DNAH14: variants seen among roughly 807,000 people sequenced by gnomAD.
The protein encoded by DNAH14 is dynein axonemal heavy chain 14.
DNAH14 carries 478 observed loss-of-function variants against 520.9 expected under a neutral mutation model. The ratio of observed to expected loss-of-function variants is 0.92; its 90% CI spans 0.85 to 0.99. The LOEUF (loss-of-function observed/expected upper bound fraction) is 0.99. DNAH14 is among the 50% of genes least tolerant of loss of function. The pLI, the probability that DNAH14 is intolerant of heterozygous loss-of-function variation, is 0.00. For synonymous variants in DNAH14, 1,581 were observed against 1,757.2 expected (o/e 0.90, Z 2.51); for missense variants, 4,831 against 5,234.5 (o/e 0.92, Z 2.38).
At position 225,043,720 on chromosome 1, in the gene DNAH14, C is replaced by G. The variant is rs763336243; in HGVS notation, c.1769-24C>G. The G allele has an allele frequency of 7.7e-6, 11 of 1,424,954 alleles. No individual in the cohort carries two copies. The South Asian group carries it at 1.4e-4, about 18-fold the overall frequency. 88.3% of individuals were successfully genotyped at this position (1,424,954 alleles called of 1,614,324 possible). On this transcript the variant is annotated intron_variant, in intron 13 of 85. Transcript: ENST00000682510. ...AATATCAATCAATTTTGTATTTTCT[C>G]TTTCTTTCAATGGATTCTAATAGAC...
chr1:225,012,448 G>C (rs987041731), intron 10 of DNAH14, among the ~76,000 whole-genome samples: 1 of 151,940 alleles, frequency 6.6e-6, no homozygotes, highest in Non-Finnish European at 1.5e-5. Flanking sequence ...TCTTCTCGAG[G>C]AGTATCTCTG....
intron 8 of DNAH14, among the ~76,000 whole-genome samples, chr1:224,994,792 G>A (rs553900304): frequency 9.9e-5 from 15 of 151,934 alleles, no homozygotes; most frequent in African/African-American, 3.6e-4. Context: ...TTCTGTAGTG[G>A]CATGCTTTGA....
chr1:225,341,969 A>G (rs893163559), intron 69 of DNAH14, among the ~76,000 whole-genome samples: 2 of 152,172 alleles, frequency 1.3e-5, no homozygotes, highest in African/African-American at 4.8e-5. Context: ...TTCTTTTTAA[A>G]AAATACAAAT....
chr1:225,176,792 CT>C (rs2149265799), intron 36 of DNAH14, among the ~76,000 whole-genome samples: 1 of 152,320 alleles, frequency 6.6e-6, no homozygotes, highest in East Asian at 1.9e-4. Flanking sequence ...TATTGCAAGG[CT>C]TCCCCAGCCA....
intron 66 of DNAH14, among the ~76,000 whole-genome samples, chr1:225,336,014 T>C (rs1282511970): frequency 7.5e-6 from 1 of 132,736 alleles, no homozygotes; most frequent in Non-Finnish European, 1.6e-5. Context: ...TGTATACGCA[T>C]ATATGCATAT....
chr1:225,322,692 C>G lies in DNAH14; in HGVS notation c.9364C>G (p.Leu3122Val). The change falls in exon 62 of 86, where the codon CTG (leucine) becomes GTG (valine). Residue 3122 changes from leucine to valine, a missense_variant. Physicochemically the swap from Leu to Val is conservative, Grantham distance 32. Coordinates refer to ENST00000682510, the MANE Select transcript of DNAH14 (RefSeq NM_001367479.1). ...RVYTRPPFLV[L>V]TVMNAVCILL... is the part of the protein sequence containing the mutation. ...ATACACACGGCCTCCCTTCCTTGTA[C>G]TGACTGTCATGAATGCAGTGTGTAT... The G allele has an allele frequency of 6.5e-7, 1 of 1,548,302 alleles. No homozygotes were observed. Among genetic ancestry groups the G allele is most frequent in the Non-Finnish European group, 8.7e-7 (1 of 1,144,270 alleles).
intron 69 of DNAH14, 102 bp downstream of exon 69, chr1:225,340,803 C>T: frequency 7.6e-7 from 1 of 1,309,330 alleles, no homozygotes; most frequent in Non-Finnish European, 1.0e-6. Context: ...ACCAAATCTC[C>T]ATTTCCACCA....
intron 81 of DNAH14, among the ~76,000 whole-genome samples, chr1:225,386,433 TTGAAC>T (rs2095842918): frequency 6.6e-6 from 1 of 152,080 alleles, no homozygotes; most frequent in South Asian, 2.1e-4. Context: ...TACCATCAGA[TTGAAC>T]AGGCAACCTA....
intron 71 of DNAH14, among the ~76,000 whole-genome samples, chr1:225,348,608 A>G (rs751816920): frequency 7.9e-5 from 12 of 152,218 alleles, no homozygotes; most frequent in Admixed American, 1.3e-4. Context: ...TCAACCAATA[A>G]TACTGTATGT....
intron 21 of DNAH14, among the ~76,000 whole-genome samples, chr1:225,092,794 A>T (rs1462264913): frequency 6.6e-6 from 1 of 152,124 alleles, no homozygotes; most frequent in Non-Finnish European, 1.5e-5. Context: ...TAAGAAAAAA[A>T]AATAGAGAAG....
intron 8 of DNAH14, among the ~76,000 whole-genome samples, chr1:224,994,686 T>C (rs1363360013): frequency 6.6e-6 from 1 of 152,074 alleles, no homozygotes; most frequent in Non-Finnish European, 1.5e-5. Context: ...TATGGACAGG[T>C]AAGGACTTAA....
chr1:225,058,621 T>G (rs1193590776), intron 17 of DNAH14, among the ~76,000 whole-genome samples: 2 of 152,220 alleles, frequency 1.3e-5, no homozygotes, highest in African/African-American at 4.8e-5. Context: ...AATTGTGATG[T>G]TAGGGTGTCA....
chr1:225,399,030 A>G (rs375953621), intron 85 of DNAH14, 24 bp from the exon 86 acceptor site: 1 of 1,366,850 alleles, frequency 7.3e-7, no homozygotes. Flanking sequence ...CAATTTGACT[A>G]CTGGATTTTT....
chr1:225,192,607 C>T (rs2085593867), intron 37 of DNAH14, 89 bp from the exon 38 acceptor site: 2 of 929,872 alleles, frequency 2.2e-6, no homozygotes, highest in South Asian at 1.9e-5. Context: ...AAAGGTTTCT[C>T]CTATAACCTT....
intron 23 of DNAH14, among the ~76,000 whole-genome samples, chr1:225,104,071 C>G (rs1375660145): frequency 1.1e-4 from 17 of 152,138 alleles, no homozygotes; most frequent in Admixed American, 1.1e-3. Context: ...CCCCTCAATA[C>G]CTAATTTATT....
At chr1:225,286,897 G>C (rs1193479477) in intron 54 of DNAH14, among the ~76,000 whole-genome samples, 1 of 152,102 alleles carries the variant, frequency 6.6e-6, no homozygotes. Context: ...ATTATTAAGA[G>C]ATAAAAAGAA....
At chr1:225,188,624 A>G (rs1299127635) in intron 37 of DNAH14, among the ~76,000 whole-genome samples, 2 of 151,868 alleles carry the variant, frequency 1.3e-5, no homozygotes, top group Non-Finnish European at 2.9e-5. Flanking sequence ...GGGAAGTGCA[A>G]GTTCTCCAAC....
intron 8 of DNAH14, among the ~76,000 whole-genome samples, chr1:224,977,885 G>C (rs1033717914): frequency 1.3e-5 from 2 of 151,946 alleles, no homozygotes; most frequent in East Asian, 3.9e-4. Flanking sequence ...TCAAAAGAAG[G>C]AATACAAATG....
chr1:225,063,310 A>G (rs1481553242), intron 17 of DNAH14, among the ~76,000 whole-genome samples: 2 of 152,110 alleles, frequency 1.3e-5, no homozygotes, highest in African/African-American at 4.8e-5. Flanking sequence ...ACTTTAAATC[A>G]CCTCTAGATT....
Sources: allele counts gnomAD v4.1 joint callset (sites outside exome capture counted in the v4.1 genomes callset), GRCh38; gene constraint gnomAD v4.1.1; transcripts MANE v1.5; gene names NCBI Gene and HGNC (gene_info 2026-07-23, HGNC 2026-07-21).